Variants in EPHX2 observed in about 807,000 individuals in gnomAD.
EPHX2 encodes bifunctional epoxide hydrolase 2.
In EPHX2, 74 loss-of-function variants were observed where a neutral mutation model predicts 78.7. The observed-to-expected ratio is 0.94, with a 90% confidence interval of 0.78 to 1.14. The LOEUF is 1.14. Ranked by LOEUF, EPHX2 falls within the 50% of genes most tolerant of loss-of-function variation. EPHX2 has a pLI of 0.00. For synonymous variants in EPHX2, 251 were observed against 255.2 expected, an observed-to-expected ratio of 0.98 and a Z score of 0.16; for missense variants, 715 against 702.5, an observed-to-expected ratio of 1.02 and a Z score of -0.20.
At chr8:27,536,252 TC>T (rs1360383427) in intron 12 of EPHX2, among the ~76,000 whole-genome samples, 3 of 152,114 alleles carry the variant, frequency 2.0e-5, no homozygotes, top group Non-Finnish European at 4.4e-5. Flanking sequence ...TTTTGAAGTT[TC>T]TACAGCAAAA....
At chr8:27,513,669 CAG>C (rs10558547) in intron 6 of EPHX2, among the ~76,000 whole-genome samples, 1,996 of 151,962 alleles carry the variant, frequency 0.013, 38 homozygotes, top group African/African-American at 0.045. Context: ...TTTCTTAACA[CAG>C]AAAAAAAATG....
chr8:27,491,447 C>G (rs17057245), intron 1 of EPHX2, 138 bp downstream of exon 1: 56,672 of 620,224 alleles, frequency 0.091, 2,868 homozygotes, highest in Non-Finnish European at 0.1. Flanking sequence ...GAAGACCTGG[C>G]CCTGAAGTCC....
chr8:27,535,332 T>G (rs1181708570), intron 12 of EPHX2, among the ~76,000 whole-genome samples: 1 of 152,054 alleles, frequency 6.6e-6, no homozygotes, highest in Non-Finnish European at 1.5e-5. Context: ...TGCACCACCA[T>G]GCCCGGCTAA....
intron 1 of EPHX2, among the ~76,000 whole-genome samples, chr8:27,499,653 T>A (rs544442267): frequency 1.3e-5 from 2 of 152,228 alleles, no homozygotes; most frequent in East Asian, 1.9e-4. Flanking sequence ...AATGCATTCG[T>A]ACACATAAAT....
In EPHX2 at chr8:27,505,161, C is replaced by G. The variant is rs772718243; in HGVS notation, c.537+15C>G. The G allele has an allele frequency of 1.1e-5, 18 of 1,612,986 alleles. No homozygotes were observed. The highest frequency in any genetic ancestry group is 1.5e-5 in the Non-Finnish European group (18 of 1,179,360). ...GCCCCAGTGAGGTACGGAGACACTTCCTTATGGCAGAGAAGGATGTTCAGA... is the reference window on the plus strand; with the variant it reads ...GCCCCAGTGAGGTACGGAGACACTTGCTTATGGCAGAGAAGGATGTTCAGA... On this transcript the variant is annotated intron_variant, in intron 4 of 18. Coordinates refer to ENST00000521400, the MANE Select transcript of EPHX2 (RefSeq NM_001979.6).
chr8:27,517,924 G>T, intron 8 of EPHX2, 114 bp from the exon 9 acceptor site: 1 of 789,098 alleles, frequency 1.3e-6, no homozygotes. Context: ...AGTTTTTGTG[G>T]GTTTTTGTTG....
chr8:27,502,071 G>A (rs776941244), intron 2 of EPHX2, among the ~76,000 whole-genome samples: 6 of 152,180 alleles, frequency 3.9e-5, no homozygotes, highest in Admixed American at 6.5e-5. Context: ...CATTCTCAGC[G>A]CTGTAGGCAA....
intron 1 of EPHX2, among the ~76,000 whole-genome samples, chr8:27,494,741 G>T (rs182470748): frequency 1.1e-3 from 172 of 152,340 alleles, no homozygotes; most frequent in African/African-American, 3.9e-3. Context: ...TGTAAATAGG[G>T]ATTTGGCCAT....
chr8:27,538,543 G>C, intron 13 of EPHX2, 116 bp from the exon 14 acceptor site: 1 of 933,930 alleles, frequency 1.1e-6, no homozygotes, highest in South Asian at 1.7e-5. Context: ...GTCATAACAG[G>C]GTTTTCAGAT....
At chr8:27,540,224 C>G (rs1815351653) in intron 14 of EPHX2, among the ~76,000 whole-genome samples, 2 of 152,138 alleles carry the variant, frequency 1.3e-5, no homozygotes, top group African/African-American at 4.8e-5. Flanking sequence ...GAGGGGAGAG[C>G]AGGAGCTGGG....
At chr8:27,536,942 A>G in intron 13 of EPHX2, 87 bp downstream of exon 13, 2 of 1,397,044 alleles carry the variant, frequency 1.4e-6, no homozygotes. Flanking sequence ...GACCAGGAGT[A>G]GCAATCTGGC....
chr8:27,493,651 G>T (rs1221037362), intron 1 of EPHX2, among the ~76,000 whole-genome samples: 1 of 152,128 alleles, frequency 6.6e-6, no homozygotes, highest in Admixed American at 6.5e-5. Context: ...ATTTCCTGTG[G>T]CATTGTTAGT....
intron 5 of EPHX2, among the ~76,000 whole-genome samples, chr8:27,507,456 T>C (rs1814056536): frequency 6.6e-6 from 1 of 152,124 alleles, no homozygotes; most frequent in Non-Finnish European, 1.5e-5. Flanking sequence ...CATCATGATG[T>C]CCCTGGGGTT....
rs550721510 is a variant in EPHX2 at position 27,503,881 on chromosome 8, G to T, written c.346+118G>T. ...CAGATCTTCTGAGCCACGATGGAAA[G>T]CCTCTTTAAACATGGCCCCAAAGCA... On this transcript the variant is annotated intron_variant, in intron 3 of 18. Transcript: ENST00000521400. 6.1e-6 allele frequency: 8 copies of T among 1,310,444 alleles called. No individual in the cohort carries two copies. The South Asian group carries it at 9.7e-5, about 16-fold the overall frequency. 81.2% of individuals were successfully genotyped at this position (1,310,444 alleles called of 1,614,324 possible). A position where few individuals can be genotyped will look rare whatever the true frequency, so the allele number is the denominator to read the frequency against.
chr8:27,502,824 G>A (rs918374051), intron 2 of EPHX2, among the ~76,000 whole-genome samples: 20 of 152,122 alleles, frequency 1.3e-4, no homozygotes, highest in African/African-American at 4.6e-4. Context: ...CCTCTTTAAA[G>A]GCCTGATTTC....
chr8:27,511,431 G>A (rs1313954192), intron 5 of EPHX2, among the ~76,000 whole-genome samples: 1 of 152,256 alleles, frequency 6.6e-6, no homozygotes, highest in Non-Finnish European at 1.5e-5. Context: ...GTGGCCAGGG[G>A]CTTCGCCTCA....
chr8:27,524,058 G>A (rs1206112605), intron 11 of EPHX2, among the ~76,000 whole-genome samples: 1 of 151,700 alleles, frequency 6.6e-6, no homozygotes, highest in Non-Finnish European at 1.5e-5. Flanking sequence ...TCAGCCTCCT[G>A]AGTAGCTGGG....
chr8:27,530,156 G>A (rs1453441891), intron 12 of EPHX2, among the ~76,000 whole-genome samples: 4 of 151,968 alleles, frequency 2.6e-5, no homozygotes, highest in Admixed American at 1.3e-4. Flanking sequence ...AAACTGCTGG[G>A]ATTACAGGTG....
chr8:27,522,654 G>C, intron 11 of EPHX2, 146 bp downstream of exon 11: 1 of 812,118 alleles, frequency 1.2e-6, no homozygotes, highest in Non-Finnish European at 1.9e-6. Flanking sequence ...TTAGTGTCTG[G>C]TGACACATTA....
Sources: allele counts gnomAD v4.1 joint callset (sites outside exome capture counted in the v4.1 genomes callset), GRCh38; gene constraint gnomAD v4.1.1; transcripts MANE v1.5; gene names NCBI Gene and HGNC (gene_info 2026-07-23, HGNC 2026-07-21).